Variants in TUBA1C observed in about 807,000 individuals in gnomAD.
TUBA1C encodes tubulin alpha-1C chain.
In TUBA1C, 16 loss-of-function variants were observed where a neutral mutation model predicts 34.9. The ratio of observed to expected loss-of-function variants is 0.46; its 90% CI spans 0.31 to 0.70. TUBA1C has a LOEUF of 0.70. TUBA1C is among the 30% of genes least tolerant of loss of function. The pLI, the probability that TUBA1C is intolerant of heterozygous loss-of-function variation, is 0.05. For missense variants in TUBA1C, 329 were observed against 587.3 expected (o/e 0.56, Z 4.55); for synonymous variants, 177 against 215.9 (o/e 0.82, Z 1.58).
Position 49,273,306 on chromosome 12 carries a change from G to A in TUBA1C, c.*79G>A, listed in dbSNP as rs1220243320. On this transcript the variant is annotated 3_prime_UTR_variant, in exon 4 of 4. Transcript: ENST00000301072. Reference sequence around the variant, plus strand: ...CTGTAAATGTCTATTGCCGTAAATTGTTAATAAAATTGAAGTTTCCATTTT... The same window carrying A: ...CTGTAAATGTCTATTGCCGTAAATTATTAATAAAATTGAAGTTTCCATTTT... 6.2e-7 allele frequency: 1 copy of A among 1,610,964 alleles called. No individual in the cohort carries two copies. The highest frequency in any genetic ancestry group is 8.5e-7 in the Non-Finnish European group (1 of 1,178,000).
intron 1 of TUBA1C, among the ~76,000 whole-genome samples, chr12:49,228,350 T>A (rs546095149): frequency 9.8e-5 from 15 of 152,328 alleles, no homozygotes; most frequent in Non-Finnish European, 1.6e-4. Context: ...GGCTTATTAT[T>A]GGAATATTGA....
At chr12:49,266,846 C>T (rs139722306) in intron 1 of TUBA1C, among the ~76,000 whole-genome samples, 2 of 152,262 alleles carry the variant, frequency 1.3e-5, no homozygotes, top group East Asian at 3.9e-4. Context: ...AAAATACGTA[C>T]ATGAATTTAA....
At chr12:49,241,743 G>A (rs951101676) in intron 1 of TUBA1C, among the ~76,000 whole-genome samples, 2 of 151,226 alleles carry the variant, frequency 1.3e-5, no homozygotes, top group African/African-American at 2.4e-5. Flanking sequence ...TCTGCCTCCC[G>A]GATTCAAGCA....
intron 1 of TUBA1C, among the ~76,000 whole-genome samples, chr12:49,248,563 A>G (rs1232946021): frequency 7.8e-6 from 1 of 128,218 alleles, no homozygotes; most frequent in East Asian, 2.8e-4. Flanking sequence ...TCTGTCTCAG[A>G]AAAAAAAAAA....
At chr12:49,260,887 G>A (rs1285273090), upstream of TUBA1C, among the ~76,000 whole-genome samples, 1 of 151,966 alleles carries the variant, frequency 6.6e-6, no homozygotes, top group Non-Finnish European at 1.5e-5. Flanking sequence ...ACACCACCAT[G>A]TCCAGCTAAT....
chr12:49,264,861 C>T (rs7306436), upstream of TUBA1C: 1,098 of 164,756 alleles, frequency 6.7e-3, 7 homozygotes, highest in Admixed American at 0.011. Context: ...CCCTTCCTCC[C>T]CTTCCTCCTC....
intron 1 of TUBA1C, among the ~76,000 whole-genome samples, chr12:49,249,910 A>T (rs187979304): frequency 4.6e-5 from 7 of 152,134 alleles, no homozygotes; most frequent in Admixed American, 3.3e-4. Context: ...AAAAATTTTT[A>T]AAAAGGCCAG....
chr12:49,265,127 C>A lies in TUBA1C; in HGVS notation c.-55C>A. ...CTTGGTAGTCTGTTAGTGGGAGATC[C>A]TTGTTGCCGTCCCTTCGCCTCCTTC... On this transcript the variant is annotated 5_prime_UTR_variant, in exon 1 of 4. Coordinates refer to ENST00000301072, the MANE Select transcript of TUBA1C (RefSeq NM_032704.5). The A allele has an allele frequency of 1.3e-6, 2 of 1,585,820 alleles. No individual in the cohort carries two copies. The highest frequency in any genetic ancestry group is 1.1e-5 in the South Asian group (1 of 87,456).
chr12:49,243,881 G>A (rs1390170783), intron 1 of TUBA1C, among the ~76,000 whole-genome samples: 2 of 152,110 alleles, frequency 1.3e-5, no homozygotes, highest in Non-Finnish European at 2.9e-5. Context: ...CAGGCATGGT[G>A]GCTCGTGCCT....
chr12:49,268,604 C>G (rs1056058716), intron 1 of TUBA1C, among the ~76,000 whole-genome samples: 2 of 152,192 alleles, frequency 1.3e-5, no homozygotes, highest in Non-Finnish European at 2.9e-5. Flanking sequence ...GGTCTTCCCT[C>G]TTCCGGAGAT....
Position 49,272,580 on chromosome 12 carries a change from G to T in TUBA1C, c.703G>T (p.Val235Leu), listed in dbSNP as rs1437743143. ...CCTTAACCGCCTTATTAGCCAGATT[G>T]TGTCCTCCATCACTGCTTCCCTGAG... ...TNLNRLISQI[V>L]SSITASLRFD... is the part of the protein sequence containing the mutation. The change falls in exon 4 of 4, where the codon GTG becomes TTG. Residue 235 changes from valine (V) to leucine (L), a missense_variant. This residue lies in a region of TUBA1C where 140 missense variants were observed against 289.8 expected (regional missense o/e 0.48). Transcript: ENST00000301072. The T allele has an allele frequency of 3.1e-6, 5 of 1,607,894 alleles. No individual in the cohort carries two copies. The African/African-American group carries it at 5.4e-5, about 17-fold the overall frequency.
rs1943002121 is a variant in TUBA1C, at chr12:49,272,308, G to A, written c.431G>A (p.Gly144Glu). 6.2e-7 allele frequency: 1 copy of A among 1,614,042 alleles called. No homozygotes were observed. Among genetic ancestry groups the A allele is most frequent in the Non-Finnish European group, 8.5e-7 (1 of 1,179,970 alleles). ...TTGGTTTTCCACAGCTTTGGTGGGG[G>A]AACTGGTTCTGGGTTCACCTCGCTG... ...GFLVFHSFGG[G>E]TGSGFTSLLM... Residue 144 changes from glycine to glutamate, a missense_variant, in exon 4 of 4, where the codon GGA becomes GAA. This residue lies in a region of TUBA1C where 152 missense variants were observed against 240.3 expected (regional missense o/e 0.63). Coordinates refer to ENST00000301072, the MANE Select transcript of TUBA1C (RefSeq NM_032704.5).
At position 49,265,160 on chromosome 12, in the gene TUBA1C, C is replaced by G. The variant is rs757556986; in HGVS notation, c.-22C>G. ...CGTCCCTTCGCCTCCTTCACCGCCG[C>G]AGACCCCTTCAAGTTCTAGTCATGG... On this transcript the variant is annotated 5_prime_UTR_variant, in exon 1 of 4. Coordinates refer to ENST00000301072, the MANE Select transcript of TUBA1C (RefSeq NM_032704.5). The G allele has an allele frequency of 6.2e-7, 1 of 1,603,672 alleles. No individual in the cohort carries two copies. The highest frequency in any genetic ancestry group is 2.2e-5 in the East Asian group (1 of 44,658).
intron 1 of TUBA1C, among the ~76,000 whole-genome samples, chr12:49,237,499 T>A (rs1388135442): frequency 6.6e-6 from 1 of 151,682 alleles, no homozygotes; most frequent in Admixed American, 6.6e-5. Flanking sequence ...TCCCAACACT[T>A]TGGGAGGCTG....
intron 3 of TUBA1C, 70 bp downstream of exon 3, chr12:49,270,046 T>TC (rs746241123): frequency 6.2e-7 from 1 of 1,613,780 alleles, no homozygotes; most frequent in East Asian, 2.2e-5. Context: ...ACTACAGAAA[T>TC]CATTCTTTGC....
At chr12:49,251,926 C>T (rs1942736325) in intron 1 of TUBA1C, among the ~76,000 whole-genome samples, 1 of 151,928 alleles carries the variant, frequency 6.6e-6, no homozygotes, top group African/African-American at 2.4e-5. Flanking sequence ...GCAGAAAAAA[C>T]ATTTGACAAA....
intron 1 of TUBA1C, among the ~76,000 whole-genome samples, chr12:49,229,581 G>A (rs1011295328): frequency 6.6e-6 from 1 of 152,084 alleles, no homozygotes; most frequent in Admixed American, 6.5e-5. Context: ...TGCCGGTACT[G>A]CTCACTTCAC....
intron 1 of TUBA1C, among the ~76,000 whole-genome samples, chr12:49,258,936 T>G (rs1177811625): frequency 1.3e-5 from 2 of 151,474 alleles, no homozygotes; most frequent in East Asian, 3.9e-4. Flanking sequence ...TTTTTGTATT[T>G]TTAGTAGAGA....
chr12:49,260,891 A>T (rs971304888), upstream of TUBA1C, among the ~76,000 whole-genome samples: 1 of 151,830 alleles, frequency 6.6e-6, no homozygotes, highest in African/African-American at 2.4e-5. Flanking sequence ...CACCATGTCC[A>T]GCTAATTTTT....
Sources: gnomAD v4.1 joint callset for allele counts (sites outside exome capture counted in the v4.1 genomes callset) on GRCh38, gnomAD v4.1.1 for gene constraint, gnomAD v4.1.1 regional missense constraint, MANE v1.5 for transcripts, NCBI Gene and HGNC (gene_info 2026-07-23, HGNC 2026-07-21) for gene names.